OSCP1: variants seen among roughly 807,000 people sequenced by gnomAD.
OSCP1 encodes protein OSCP1.
OSCP1 carries 35 observed loss-of-function variants against 45.1 expected under a neutral mutation model. The observed-to-expected ratio is 0.78, with a 90% confidence interval of 0.59 to 1.03. OSCP1 has a LOEUF of 1.03. Among genes scored for constraint, OSCP1 ranks in the 50% least tolerant of loss-of-function variants. The pLI, the probability that OSCP1 is intolerant of heterozygous loss-of-function variation, is 0.00. For missense variants in OSCP1, 400 were observed against 470.7 expected (o/e 0.85, Z 1.39); for synonymous variants, 179 against 180.1 (o/e 0.99, Z 0.05).
At chr1:36,444,170 G>T in intron 1 of OSCP1, 2 of 921,992 alleles carry the variant, frequency 2.2e-6, no homozygotes, top group Non-Finnish European at 3.4e-6. Flanking sequence ...TGTCTAATGT[G>T]AGCACACTGC....
intron 1 of OSCP1, among the ~76,000 whole-genome samples, chr1:36,444,890 A>C (rs963824119): frequency 6.6e-6 from 1 of 152,208 alleles, no homozygotes; most frequent in Non-Finnish European, 1.5e-5. Context: ...ACACACATCA[A>C]ATACTTAGCT....
chr1:36,430,745 C>T (rs1648309737), intron 4 of OSCP1, among the ~76,000 whole-genome samples: 1 of 152,168 alleles, frequency 6.6e-6, no homozygotes, highest in South Asian at 2.1e-4. Context: ...ACCTCCGCCT[C>T]CTGGGTTCAA....
intron 2 of OSCP1, among the ~76,000 whole-genome samples, chr1:36,436,156 T>G (rs1443058898): frequency 6.7e-6 from 1 of 149,628 alleles, no homozygotes; most frequent in Non-Finnish European, 1.5e-5. Context: ...CAGGCTGGAG[T>G]GCAGTGGCGT....
At chr1:36,435,183 C>T (rs1399696791) in intron 2 of OSCP1, among the ~76,000 whole-genome samples, 2 of 151,106 alleles carry the variant, frequency 1.3e-5, no homozygotes, top group Admixed American at 6.6e-5. Flanking sequence ...AAGCCTCAAC[C>T]TCCCCTGCTC....
intron 1 of OSCP1, among the ~76,000 whole-genome samples, chr1:36,445,597 A>G (rs1171765424): frequency 6.6e-6 from 1 of 152,238 alleles, no homozygotes. Flanking sequence ...ATCTTCCCCC[A>G]TCAAGAGTCA....
chr1:36,434,148 G>C (rs960488880), intron 2 of OSCP1, among the ~76,000 whole-genome samples: 3 of 152,268 alleles, frequency 2.0e-5, no homozygotes, highest in African/African-American at 7.2e-5. Context: ...AGAGAAGATG[G>C]ACGGTTAACT....
chr1:36,444,101 A>T, intron 1 of OSCP1: 1 of 1,519,116 alleles, frequency 6.6e-7, no homozygotes, highest in South Asian at 1.1e-5. Context: ...AGGAGGCTTT[A>T]AACATACCAA....
rs924140340 is a variant in OSCP1, at chr1:36,423,289, G to A, written c.620+74C>T. On this transcript the variant is annotated intron_variant, in intron 5 of 9. Coordinates refer to ENST00000235532, the MANE Select transcript of OSCP1 (RefSeq NM_145047.5). ...CAGACTGTGAGTGGCTTGGCAGTGC[G>A]GCATTCCGTGTGCGGCCCATGTGCT... 1.5e-5 allele frequency: 18 copies of A among 1,187,582 alleles called. 1 individual carries two copies. Among genetic ancestry groups the A allele is most frequent in the South Asian group, 6.1e-5 (5 of 82,322 alleles). 73.6% of individuals were successfully genotyped at this position (1,187,582 alleles called of 1,614,324 possible). A position where few individuals can be genotyped will look rare whatever the true frequency, so the allele number is the denominator to read the frequency against.
chr1:36,448,317 G>A (rs376424302), intron 1 of OSCP1, among the ~76,000 whole-genome samples: 1 of 152,140 alleles, frequency 6.6e-6, no homozygotes, highest in South Asian at 2.1e-4. Flanking sequence ...CCTCATTGGT[G>A]CCACTAGCCT....
At chr1:36,429,374 A>G (rs1311055777) in intron 4 of OSCP1, among the ~76,000 whole-genome samples, 1 of 147,372 alleles carries the variant, frequency 6.8e-6, no homozygotes, top group Admixed American at 6.9e-5. Flanking sequence ...CAACAAAATG[A>G]GAACCTGTCT....
intron 2 of OSCP1, among the ~76,000 whole-genome samples, chr1:36,436,565 T>G (rs1553147564): frequency 6.6e-6 from 1 of 152,166 alleles, no homozygotes; most frequent in Non-Finnish European, 1.5e-5. Flanking sequence ...TGTAGAGATT[T>G]GGTCTTGCTG....
intron 4 of OSCP1, among the ~76,000 whole-genome samples, chr1:36,424,572 T>C (rs1647852132): frequency 6.6e-6 from 1 of 152,162 alleles, no homozygotes; most frequent in Admixed American, 6.5e-5. Context: ...TGATTCTGAC[T>C]TTGGAGCCCG....
At chr1:36,420,100 C>A (rs566621457) in intron 8 of OSCP1, among the ~76,000 whole-genome samples, 5 of 150,972 alleles carry the variant, frequency 3.3e-5, no homozygotes, top group African/African-American at 1.2e-4. Context: ...CTCAGCCTCC[C>A]GAGTAGCTGG....
intron 4 of OSCP1, among the ~76,000 whole-genome samples, chr1:36,424,850 A>G (rs1647867709): frequency 1.3e-5 from 2 of 152,190 alleles, no homozygotes; most frequent in Admixed American, 6.5e-5. Context: ...CTAATATTCT[A>G]TAAGGTTATA....
Position 36,438,771 on chromosome 1 carries a change from C to T in OSCP1, c.252G>A (p.Gln84=). 6.2e-7 allele frequency: 1 copy of T among 1,611,596 alleles called. No homozygotes were observed. The highest frequency in any genetic ancestry group is 8.5e-7 in the Non-Finnish European group (1 of 1,178,962). ...GTCTGCTCACCTTATCCATGCTGGC[C>T]TGGTTCAGTTTCATAATGGAGGCAT... ...LAHASIMKLN[Q]ASMDKLYDLM... The change falls in exon 2 of 10, where the codon CAG becomes CAA. Residue 84 remains glutamine, a synonymous_variant. Transcript: ENST00000235532.
intron 4 of OSCP1, among the ~76,000 whole-genome samples, chr1:36,429,441 A>T (rs957758470): frequency 6.6e-6 from 1 of 151,004 alleles, no homozygotes; most frequent in African/African-American, 2.4e-5. Context: ...TTGTTTTACC[A>T]TATCATACCA....
At chr1:36,424,879 A>G (rs1023139061) in intron 4 of OSCP1, among the ~76,000 whole-genome samples, 4 of 152,242 alleles carry the variant, frequency 2.6e-5, no homozygotes, top group Non-Finnish European at 4.4e-5. Context: ...ATAATCAAGA[A>G]TAAGTATCTT....
Position 36,450,414 on chromosome 1 carries a change from T to C in OSCP1, c.-45A>G. ...ACTGGTGAAGAGCCCCGGGGTTCGGTAGCCAGTGGCCTGAAGGCCAGGCCG... is the reference window on the plus strand; with the variant it reads ...ACTGGTGAAGAGCCCCGGGGTTCGGCAGCCAGTGGCCTGAAGGCCAGGCCG... On this transcript the variant is annotated 5_prime_UTR_variant, in exon 1 of 10. Transcript: ENST00000235532. 6.5e-7 allele frequency: 1 copy of C among 1,530,604 alleles called. No homozygotes were observed. The highest frequency in any genetic ancestry group is 9.0e-7 in the Non-Finnish European group (1 of 1,105,988). 94.8% of individuals were successfully genotyped at this position (1,530,604 alleles called of 1,614,324 possible).
intron 1 of OSCP1, among the ~76,000 whole-genome samples, chr1:36,445,705 T>G (rs1649479082): frequency 6.6e-6 from 1 of 151,904 alleles, no homozygotes. Flanking sequence ...TCTGTGGCAT[T>G]TATTTATTTA....
Sources: allele counts gnomAD v4.1 joint callset (sites outside exome capture counted in the v4.1 genomes callset), GRCh38; gene constraint gnomAD v4.1.1; transcripts MANE v1.5; gene names NCBI Gene and HGNC (gene_info 2026-07-23, HGNC 2026-07-21).